KLF8: variants seen among roughly 807,000 people sequenced by gnomAD.
The protein encoded by KLF8 is KLF transcription factor 8, also known as Krueppel-like factor 8.
KLF8 carries 10 observed loss-of-function variants against 18.2 expected under a neutral mutation model. That is an observed-to-expected ratio of 0.55 (90% CI 0.34 to 0.93). The LOEUF (loss-of-function observed/expected upper bound fraction) is 0.93. KLF8 is among the 40% of genes least tolerant of loss of function. The probability of loss-of-function intolerance (pLI) is 0.02; values close to 1 mark genes in which losing one functional copy is unlikely to be tolerated. For synonymous variants in KLF8, 109 were observed against 97.3 expected (o/e 1.12, Z -0.71); for missense variants, 264 against 277.9 (o/e 0.95, Z 0.36).
chrX:55,931,764 G>T, the KLF8 span, among the ~76,000 whole-genome samples: 1 of 111,674 alleles, frequency 9.0e-6, no homozygotes. Flanking sequence ...TTTTGCATTT[G>T]CTGAGGAGTG....
At chrX:55,947,390 A>G in the KLF8 span, among the ~76,000 whole-genome samples, 2 of 108,220 alleles carry the variant, frequency 1.8e-5, no homozygotes, top group African/African-American at 6.8e-5. Context: ...CTCAAGAAGA[A>G]AAAACCAAAC....
the KLF8 span, among the ~76,000 whole-genome samples, chrX:55,993,913 T>G: frequency 9.6e-6 from 1 of 104,135 alleles, no homozygotes; most frequent in Admixed American, 1.0e-4. Flanking sequence ...TATAGAGGTT[T>G]TTTTTTTTTT....
At chrX:56,057,645 G>T in the KLF8 span, among the ~76,000 whole-genome samples, 1 of 111,409 alleles carries the variant, frequency 9.0e-6, no homozygotes, top group Non-Finnish European at 1.9e-5. Flanking sequence ...CTAGGCTGGG[G>T]CCAACTGGAG....
chrX:56,186,851 A>G, the KLF8 span, among the ~76,000 whole-genome samples: 1 of 112,257 alleles, frequency 8.9e-6, no homozygotes, highest in Non-Finnish European at 1.9e-5. Context: ...ACAACATACC[A>G]GAATCTCTGG....
chrX:56,137,998 A>G, the KLF8 span, among the ~76,000 whole-genome samples: 1 of 101,245 alleles, frequency 9.9e-6, no homozygotes, highest in Non-Finnish European at 2.0e-5. Context: ...ATGAAAAAAC[A>G]CAACCGGAAA....
At chrX:56,085,004 G>A in the KLF8 span, among the ~76,000 whole-genome samples, 1 of 111,516 alleles carries the variant, frequency 9.0e-6, no homozygotes, top group Admixed American at 9.6e-5. Flanking sequence ...GTTCCTGGGG[G>A]TACAAAGAAA....
At chrX:55,967,457 T>A in the KLF8 span, among the ~76,000 whole-genome samples, 3 of 109,440 alleles carry the variant, frequency 2.7e-5, no homozygotes, top group Non-Finnish European at 5.7e-5. Flanking sequence ...AAGAGTGGCA[T>A]GTATTTAAAG....
chrX:56,178,130 C>T, the KLF8 span, among the ~76,000 whole-genome samples: 8 of 112,007 alleles, frequency 7.1e-5, no homozygotes, highest in Admixed American at 3.8e-4. Context: ...TCTGACACTC[C>T]GCAGTGAGGT....
the KLF8 span, among the ~76,000 whole-genome samples, chrX:56,212,380 C>A: frequency 3.6e-5 from 4 of 112,030 alleles, no homozygotes; most frequent in Non-Finnish European, 7.5e-5. Flanking sequence ...TAGTTTAACT[C>A]TAGGATTCAC....
At chrX:56,195,455 G>A in the KLF8 span, among the ~76,000 whole-genome samples, 4 of 111,934 alleles carry the variant, frequency 3.6e-5, no homozygotes, top group South Asian at 3.7e-4. Context: ...TTCAATACCC[G>A]ATTCAATGAA....
chrX:55,981,824 C>A, the KLF8 span, among the ~76,000 whole-genome samples: 1 of 111,794 alleles, frequency 8.9e-6, no homozygotes, highest in Non-Finnish European at 1.9e-5. Context: ...CAGGAAAAGA[C>A]TGGGAACAGG....
At chrX:56,175,631 G>A in the KLF8 span, among the ~76,000 whole-genome samples, 1 of 111,377 alleles carries the variant, frequency 9.0e-6, no homozygotes, top group Non-Finnish European at 1.9e-5. Context: ...GTGCAGAGCA[G>A]AGTTCAATTC....
chrX:56,181,532 T>C, the KLF8 span, among the ~76,000 whole-genome samples: 1 of 112,040 alleles, frequency 8.9e-6, no homozygotes, highest in Admixed American at 9.5e-5. Context: ...AGTTTGCTGA[T>C]TAATTCTTGC....
the KLF8 span, among the ~76,000 whole-genome samples, chrX:56,195,877 G>A: frequency 8.9e-6 from 1 of 111,852 alleles, no homozygotes; most frequent in African/African-American, 3.2e-5. Context: ...GATTAACAGT[G>A]GATCTCCTGG....
At chrX:56,148,994 A>G in the KLF8 span, among the ~76,000 whole-genome samples, 1 of 112,344 alleles carries the variant, frequency 8.9e-6, no homozygotes, top group Non-Finnish European at 1.9e-5. Context: ...TTCATAGCCC[A>G]TATAAAGGGT....
the KLF8 span, among the ~76,000 whole-genome samples, chrX:56,155,844 G>A: frequency 9.0e-6 from 1 of 111,099 alleles, no homozygotes; most frequent in Non-Finnish European, 1.9e-5. Context: ...AATGTCTATT[G>A]TTTCCATATT....
At chrX:55,931,069 T>C in the KLF8 span, among the ~76,000 whole-genome samples, 3 of 111,990 alleles carry the variant, frequency 2.7e-5, no homozygotes, top group East Asian at 5.6e-4. Flanking sequence ...CAGAACTTGT[T>C]GTTGGTCCAT....
the KLF8 span, among the ~76,000 whole-genome samples, chrX:56,159,442 G>C: frequency 8.9e-6 from 1 of 112,610 alleles, no homozygotes; most frequent in South Asian, 3.6e-4. Context: ...CTATTGATTG[G>C]AATAGTTTCA....
chrX:55,997,563 TC>T, the KLF8 span, among the ~76,000 whole-genome samples: 2 of 111,672 alleles, frequency 1.8e-5, no homozygotes, highest in African/African-American at 6.5e-5. Context: ...CAGCTTTTTC[TC>T]CCTTCAGCCC....
Sources: allele counts gnomAD v4.1 joint callset (sites outside exome capture counted in the v4.1 genomes callset), GRCh38; gene constraint gnomAD v4.1.1; transcripts MANE v1.5; gene names NCBI Gene and HGNC (gene_info 2026-07-23, HGNC 2026-07-21).